The following CFAP74 variants were observed in gnomAD, a reference collection of about 807,000 sequenced individuals.
CFAP74 encodes the protein cilia- and flagella-associated protein 74.
In CFAP74, 124 loss-of-function variants were observed where a neutral mutation model predicts 188.9. The ratio of observed to expected loss-of-function variants is 0.66; its 90% CI spans 0.57 to 0.76. The LOEUF is 0.76. Among genes scored for constraint, CFAP74 ranks in the 30% least tolerant of loss-of-function variants. CFAP74 has a pLI of 0.00. For synonymous variants in CFAP74, 956 were observed against 916.7 expected (o/e 1.04, Z -0.77); for missense variants, 2,198 against 2,165.2 (o/e 1.02, Z -0.30).
chr1:1,925,120 T>C (rs1651765298), intron 33 of CFAP74, among the ~76,000 whole-genome samples: 1 of 141,038 alleles, frequency 7.1e-6, no homozygotes, highest in Non-Finnish European at 1.5e-5. Flanking sequence ...GGGCACACGC[T>C]GGTGCGAAGG....
chr1:1,985,161 G>C (rs979333772), intron 6 of CFAP74: 4 of 490,700 alleles, frequency 8.2e-6, no homozygotes, highest in African/African-American at 7.6e-5. Context: ...AAAAGAACCT[G>C]ATTTTGGAGT....
intron 1 of CFAP74, among the ~76,000 whole-genome samples, chr1:2,002,161 C>T (rs557367961): frequency 3.3e-5 from 5 of 151,992 alleles, no homozygotes; most frequent in African/African-American, 4.8e-5. Flanking sequence ...GGGTGGGGGG[C>T]GACAGAGCAT....
intron 25 of CFAP74, among the ~76,000 whole-genome samples, chr1:1,936,229 AAAG>A (rs1652885956): frequency 6.7e-6 from 1 of 149,816 alleles, no homozygotes; most frequent in African/African-American, 2.5e-5. Flanking sequence ...AAAAAAAAAA[AAAG>A]AAAAAAAGAA....
Position 1,986,919 on chromosome 1 carries a change from CT to C in CFAP74, c.395+17del, listed in dbSNP as rs776962366. On this transcript the variant is annotated intron_variant, in intron 5 of 38. Coordinates refer to ENST00000682832, the MANE Select transcript of CFAP74 (RefSeq NM_001304360.2). ...GACCTCATGCCCGGTTCCCTGCCCC[CT>C]GGCGAGGGCCACCTACATGTTGCCC... The C allele has an allele frequency of 1.2e-4, 198 of 1,596,176 alleles. No individual in the cohort carries two copies. Among genetic ancestry groups the C allele is most frequent in the Non-Finnish European group, 7.1e-5 (83 of 1,176,240 alleles).
rs374347672 is a variant in CFAP74, at chr1:1,923,751, G to A, written c.4389+24C>T. On this transcript the variant is annotated intron_variant, in intron 35 of 38. Coordinates refer to ENST00000682832, the MANE Select transcript of CFAP74 (RefSeq NM_001304360.2). The surrounding 1 kb of genome is among the most constrained non-coding windows in gnomAD (Gnocchi z 6.3). ...CGTGGGGCCAGGGCCGGGCCGGGCT[G>A]AGCTTGCAGAGCCAGAGCCGCACCT... 1.2e-6 allele frequency: 2 copies of A among 1,613,060 alleles called. No individual in the cohort carries two copies. Among genetic ancestry groups the A allele is most frequent in the Non-Finnish European group, 1.7e-6 (2 of 1,179,828 alleles).
At chr1:1,939,810 A>C in intron 23 of CFAP74, 43 bp from the exon 24 acceptor site, 1 of 1,513,598 alleles carries the variant, frequency 6.6e-7, no homozygotes. Context: ...CCACTCGGAG[A>C]CTTACCAAGT....
intron 18 of CFAP74, chr1:1,954,903 G>A: frequency 9.9e-7 from 1 of 1,007,096 alleles, no homozygotes; most frequent in South Asian, 1.9e-5. Flanking sequence ...GGGCAGTGCA[G>A]AACGGCCTTC....
In CFAP74 at chr1:1,939,572, C is replaced by A. The variant is rs1570862250; in HGVS notation, c.2877+22G>T. 5 of 1,531,390 alleles carry A rather than the reference C, an allele frequency of 3.3e-6. No homozygotes were observed. The South Asian group carries it at 6.0e-5, about 18-fold the overall frequency. The allele number at this position is 1,531,390 out of a possible 1,614,324, so 94.9% of individuals were successfully genotyped here. On this transcript the variant is annotated intron_variant, in intron 24 of 38. Transcript: ENST00000682832. ...CTTCCCAGCCTCACCCCTCTTACCC[C>A]AGGCCTGGCTGCAGGAGGTACCTTG...
In CFAP74 at chr1:1,928,893, A is replaced by T; in HGVS notation, c.3289-11T>A. 6.5e-7 allele frequency: 1 copy of T among 1,529,686 alleles called. No individual in the cohort carries two copies. The highest frequency in any genetic ancestry group is 8.8e-7 in the Non-Finnish European group (1 of 1,141,566). The allele number at this position is 1,529,686 out of a possible 1,614,324, so 94.8% of individuals were successfully genotyped here. On this transcript the variant is annotated splice_polypyrimidine_tract_variant and intron_variant, in intron 26 of 38. Coordinates refer to ENST00000682832, the MANE Select transcript of CFAP74 (RefSeq NM_001304360.2). The stretch of plus-strand genomic sequence containing the variant: ...CTGGACCAGGCACCTCTGAGGAGAG[A>T]CCAGCGTGGGCACAGGGGTTGCCAC...
chr1:1,971,073 C>T (rs1278988145), intron 9 of CFAP74, among the ~76,000 whole-genome samples: 1 of 146,890 alleles, frequency 6.8e-6, no homozygotes, highest in Non-Finnish European at 1.5e-5. Flanking sequence ...ACACGCACAC[C>T]TGCACACACT....
Position 1,973,962 on chromosome 1 carries a change from G to C in CFAP74, c.674+63C>G. The C allele has an allele frequency of 7.0e-7, 1 of 1,421,092 alleles. No homozygotes were observed. Among genetic ancestry groups the C allele is most frequent in the Non-Finnish European group, 9.3e-7 (1 of 1,070,320 alleles). The allele number at this position is 1,421,092 out of a possible 1,614,324, so 88.0% of individuals were successfully genotyped here. A position where few individuals can be genotyped will look rare whatever the true frequency, so the allele number is the denominator to read the frequency against. On this transcript the variant is annotated intron_variant, in intron 7 of 38. Coordinates refer to ENST00000682832, the MANE Select transcript of CFAP74 (RefSeq NM_001304360.2). The surrounding 1 kb of genome is among the most constrained non-coding windows in gnomAD (Gnocchi z 6.2). ...GCTGAATCTGGAGACCCCTGGGGGA[G>C]AGGGCGGAGGGGCTGGCAGAAGCTG...
chr1:1,944,489 C>T (rs1191521322), intron 20 of CFAP74, 37 bp from the exon 21 acceptor site: 1 of 1,530,450 alleles, frequency 6.5e-7, no homozygotes, highest in African/African-American at 1.4e-5. Flanking sequence ...ACAGGAGTTC[C>T]TTGGGCACAG....
chr1:1,955,938 T>C, intron 17 of CFAP74, 88 bp from the exon 18 acceptor site: 2 of 1,496,086 alleles, frequency 1.3e-6, no homozygotes, highest in Non-Finnish European at 1.8e-6. Flanking sequence ...GGACAGGCCG[T>C]GTTGGGGGCT....
chr1:1,968,486 G>A lies in CFAP74; in HGVS notation c.1245+149C>T. On this transcript the variant is annotated intron_variant, in intron 11 of 38. Coordinates refer to ENST00000682832, the MANE Select transcript of CFAP74 (RefSeq NM_001304360.2). The surrounding 1 kb of genome is among the most constrained non-coding windows in gnomAD (Gnocchi z 4.3). Reference sequence around the variant, plus strand: ...TCTTGTCCCCTTGTCCTTGAGCTGAGTGGCGGCCACTCAGCGGGCTCAGCA... The same window carrying A: ...TCTTGTCCCCTTGTCCTTGAGCTGAATGGCGGCCACTCAGCGGGCTCAGCA... The A allele has an allele frequency of 1.5e-6, 1 of 679,904 alleles. No homozygotes were observed. The highest frequency in any genetic ancestry group is 1.8e-5 in the South Asian group (1 of 56,798). The allele number at this position is 679,904 out of a possible 1,614,324, so 42.1% of individuals were successfully genotyped here.
rs553035268 is a variant in CFAP74, at chr1:1,979,476, G to A, written c.501-5278C>T. On this transcript the variant is annotated intron_variant, in intron 6 of 38. Transcript: ENST00000682832. The stretch of plus-strand genomic sequence containing the variant: ...CGTGATGAAGCTGCACAGAACACGC[G>A]TGTGGTACTGAGCTGGGCGTGGGAA... 8.5e-4 allele frequency among the ~76,000 whole-genome samples: 121 copies of A among 142,198 alleles called. 3 individuals are homozygous for A. In the Middle Eastern group the frequency reaches 0.02, roughly 23 times the overall value. 93.3% of individuals were successfully genotyped at this position (142,198 alleles called of 152,430 possible).
In CFAP74 at chr1:1,942,071, G is replaced by A. The variant is rs1182657658; in HGVS notation, c.2572C>T (p.Gln858Ter). 3 of 1,532,472 alleles carry A rather than the reference G, an allele frequency of 2.0e-6. No individual in the cohort carries two copies. Among genetic ancestry groups the A allele is most frequent in the Non-Finnish European group, 2.6e-6 (3 of 1,145,456 alleles). 94.9% of individuals were successfully genotyped at this position (1,532,472 alleles called of 1,614,324 possible). A position where few individuals can be genotyped will look rare whatever the true frequency, so the allele number is the denominator to read the frequency against. ...LELLPKTGYI[Q>*]AQSSYSVQLK... Reference sequence around the variant, plus strand: ...TGCACGGAGTAGGACGACTGTGCCTGGATATAGCCTGTCTTGGGCAGGAGC... The same window carrying A: ...TGCACGGAGTAGGACGACTGTGCCTAGATATAGCCTGTCTTGGGCAGGAGC... Residue 858 changes from glutamine (Q) to a stop codon, truncating the protein, a stop_gained, in exon 22 of 39, where the codon CAG (glutamine) becomes TAG (stop). Coordinates refer to ENST00000682832, the MANE Select transcript of CFAP74 (RefSeq NM_001304360.2). LOFTEE classifies it high-confidence loss of function. This position sits in a 1 kb window ranked among gnomAD's most constrained non-coding sequence, Gnocchi z 4.3.
At chr1:1,964,349 G>C (rs1293904361) in intron 13 of CFAP74, among the ~76,000 whole-genome samples, 2 of 152,218 alleles carry the variant, frequency 1.3e-5, no homozygotes, top group African/African-American at 2.4e-5. Context: ...AGTGGCACAG[G>C]GCTTTCGGGG....
At position 1,968,087 on chromosome 1, in the gene CFAP74, GTGAA is replaced by G. The variant is rs779011992; in HGVS notation, c.1245+544_1245+547del. ...GAATGAATGAGTGAATGAGTAAAGA[GTGAA>G]TGAGTGAATGAATGAGTGAATGAAT... On this transcript the variant is annotated intron_variant, in intron 11 of 38. Coordinates refer to ENST00000682832, the MANE Select transcript of CFAP74 (RefSeq NM_001304360.2). This position sits in a 1 kb window ranked among gnomAD's most constrained non-coding sequence, Gnocchi z 4.3. Among the ~76,000 whole-genome samples the G allele has an allele frequency of 7.2e-5, 11 of 152,044 alleles. No homozygotes were observed. The South Asian group carries it at 2.3e-3, about 32-fold the overall frequency.
At chr1:1,947,309 C>T (rs1014116299) in intron 18 of CFAP74, among the ~76,000 whole-genome samples, 7 of 152,186 alleles carry the variant, frequency 4.6e-5, no homozygotes, top group African/African-American at 7.2e-5. Flanking sequence ...TGGCCCAGGG[C>T]GAGGGTATTA....
Sources: gnomAD v4.1 joint callset for allele counts (sites outside exome capture counted in the v4.1 genomes callset) on GRCh38, gnomAD v4.1.1 for gene constraint, Gnocchi (gnomAD v3.1) non-coding constraint, MANE v1.5 for transcripts, NCBI Gene and HGNC (gene_info 2026-07-23, HGNC 2026-07-21) for gene names.